Variants in C1QTNF12 observed in about 807,000 individuals in gnomAD.
The protein encoded by C1QTNF12 is C1q and TNF related 12.
In C1QTNF12, 39 loss-of-function variants were observed where a neutral mutation model predicts 34.3. The observed-to-expected ratio is 1.14, with a 90% CI of 0.88 to 1.49. The LOEUF (loss-of-function observed/expected upper bound fraction) is 1.49, where lower values mean the gene tolerates loss of function less well. C1QTNF12 is among the 40% of genes most tolerant of loss of function. C1QTNF12 has a pLI of 0.00. For synonymous variants in C1QTNF12, 220 were observed against 196.9 expected, an observed-to-expected ratio of 1.12 and a Z score of -0.98; for missense variants, 497 against 424.7, an observed-to-expected ratio of 1.17 and a Z score of -1.50.
At chr1:1,242,981 C>T in intron 6 of C1QTNF12, 68 bp from the exon 7 acceptor site, 1 of 1,567,550 alleles carries the variant, frequency 6.4e-7, no homozygotes, top group Non-Finnish European at 8.7e-7. Context: ...TGCTCCAGTG[C>T]CCAGAGACCC....
chr1:1,246,806 C>T (rs2101012172), upstream of C1QTNF12: 1 of 741,028 alleles, frequency 1.3e-6, no homozygotes, highest in Admixed American at 4.8e-5. This position sits in a 1 kb window ranked among gnomAD's most constrained non-coding sequence, Gnocchi z 4.5. Flanking sequence ...CGCCCGGCCT[C>T]CGCCGCTGCA....
At chr1:1,244,334 C>T in intron 2 of C1QTNF12, 47 bp downstream of exon 2, 1 of 1,596,084 alleles carries the variant, frequency 6.3e-7, no homozygotes, top group Non-Finnish European at 8.6e-7. Context: ...GCTACCACCA[C>T]ACCCTGTCCG....
In C1QTNF12 at chr1:1,244,498, C is replaced by T; in HGVS notation, c.178-1G>A. The T allele has an allele frequency of 6.2e-7, 1 of 1,607,648 alleles. No homozygotes were observed. The highest frequency in any genetic ancestry group is 8.5e-7 in the Non-Finnish European group (1 of 1,175,756). ...ACTCAGGTCCTGAGGCCTGGGATGG[C>T]TGAAGGGACGGGACGGGGCTAGCGC... On this transcript the variant is annotated splice_acceptor_variant, in intron 1 of 7. Transcript: ENST00000330388. LOFTEE classifies it high-confidence loss of function.
rs1638893136 is a variant in C1QTNF12 at position 1,246,450 on chromosome 1, G to A, written c.177+64C>T. 1.3e-5 allele frequency: 15 copies of A among 1,196,192 alleles called. No homozygotes were observed. In the South Asian group the frequency reaches 1.3e-4, roughly 10 times the overall value. 74.1% of individuals were successfully genotyped at this position (1,196,192 alleles called of 1,614,324 possible). On this transcript the variant is annotated intron_variant, in intron 1 of 7. Coordinates refer to ENST00000330388, the MANE Select transcript of C1QTNF12 (RefSeq NM_001014980.3). The surrounding 1 kb of genome is among the most constrained non-coding windows in gnomAD (Gnocchi z 4.5). ...GCAGGGACAGAGCCTGCTGGGGGAG[G>A]ACGCCCCAGAGCCCCAGCTCCGAAG... is the stretch of plus-strand genomic sequence containing the variant.
chr1:1,242,496 G>C lies in C1QTNF12; in HGVS notation c.*52C>G, dbSNP rs957431635. On this transcript the variant is annotated 3_prime_UTR_variant, in exon 8 of 8. Coordinates refer to ENST00000330388, the MANE Select transcript of C1QTNF12 (RefSeq NM_001014980.3). ...ATTGTGGTGACCACGGGCATCAGTA[G>C]GAGGGTCCCCGGGATCCGGCGGCAG... The C allele has an allele frequency of 1.6e-5, 23 of 1,395,902 alleles. No individual in the cohort carries two copies. The highest frequency in any genetic ancestry group is 1.3e-4 in the Admixed American group (6 of 47,890). The allele number at this position is 1,395,902 out of a possible 1,614,324, so 86.5% of individuals were successfully genotyped here.
At position 1,242,558 on chromosome 1, in the gene C1QTNF12, A is replaced by G. The variant is rs1453236411; in HGVS notation, c.899T>C (p.Leu300Pro). Reference sequence around the variant, plus strand: ...CCCCCCTGGGCGCCCTCACGTGCCCAGGAGCAGCCCGGAGAAGCTGGAGCC... The same window carrying G: ...CCCCCCTGGGCGCCCTCACGTGCCCGGGAGCAGCCCGGAGAAGCTGGAGCC... ...QAGSSFSGLLLGT is the reference protein window; with the variant it reads ...QAGSSFSGLLPGT The change falls in exon 8 of 8, where the codon CTG becomes CCG. Residue 300 changes from leucine (L) to proline (P), a missense_variant. Physicochemically the swap from Leu to Pro is moderately conservative, Grantham distance 98. Coordinates refer to ENST00000330388, the MANE Select transcript of C1QTNF12 (RefSeq NM_001014980.3). 6.4e-7 allele frequency: 1 copy of G among 1,569,378 alleles called. No individual in the cohort carries two copies. Among genetic ancestry groups the G allele is most frequent in the Admixed American group, 1.9e-5 (1 of 53,652 alleles).
chr1:1,246,700 C>G lies in C1QTNF12; in HGVS notation c.-10G>C. The G allele has an allele frequency of 4.9e-6, 6 of 1,220,814 alleles. No homozygotes were observed. Among genetic ancestry groups the G allele is most frequent in the Non-Finnish European group, 6.1e-6 (6 of 980,886 alleles). 75.6% of individuals were successfully genotyped at this position (1,220,814 alleles called of 1,614,324 possible). A position where few individuals can be genotyped will look rare whatever the true frequency, so the allele number is the denominator to read the frequency against. ...AGGCCCAGCGCCGCATGGCTCCGTC[C>G]CGAGGCGGCTCAGCGCGGCGAGTCT... On this transcript the variant is annotated 5_prime_UTR_variant, in exon 1 of 8. Transcript: ENST00000330388. The surrounding 1 kb of genome is among the most constrained non-coding windows in gnomAD (Gnocchi z 4.5).
In C1QTNF12 at chr1:1,244,380, C is replaced by A. The variant is rs752038492; in HGVS notation, c.294+1G>T. The A allele has an allele frequency of 1.9e-6, 3 of 1,610,880 alleles. No individual in the cohort carries two copies. The highest frequency in any genetic ancestry group is 2.5e-6 in the Non-Finnish European group (3 of 1,178,736). On this transcript the variant is annotated splice_donor_variant, in intron 2 of 7. Coordinates refer to ENST00000330388, the MANE Select transcript of C1QTNF12 (RefSeq NM_001014980.3). LOFTEE classifies it high-confidence loss of function. The stretch of plus-strand genomic sequence containing the variant: ...CCTGCAGCAGCCCGGGCGGGGCTCA[C>A]CGGCTTCTTGTCCCTGCTTCCGCAC...
At chr1:1,245,368 G>A (rs554339277) in intron 1 of C1QTNF12, among the ~76,000 whole-genome samples, 2 of 141,930 alleles carry the variant, frequency 1.4e-5, no homozygotes, top group Non-Finnish European at 3.1e-5. Context: ...CGCCCTGGAG[G>A]GGCCTGTACC....
chr1:1,245,931 A>G (rs1367060657), intron 1 of C1QTNF12, among the ~76,000 whole-genome samples: 5 of 152,318 alleles, frequency 3.3e-5, no homozygotes, highest in African/African-American at 9.6e-5. Context: ...AGAGACCCTG[A>G]GCAGGAGAGA....
In C1QTNF12 at chr1:1,244,068, C is replaced by T. The variant is rs560946759; in HGVS notation, c.417G>A (p.Pro139=). 1.8e-5 allele frequency: 28 copies of T among 1,596,064 alleles called. No individual in the cohort carries two copies. The highest frequency in any genetic ancestry group is 1.7e-4 in the African/African-American group (13 of 74,378). The change falls in exon 4 of 8, where the codon CCG becomes CCA. Residue 139 remains proline (P), a synonymous_variant. Transcript: ENST00000330388. Reference sequence around the variant, plus strand: ...GCAGGCCCGCCCCCTGGGGCAGCAGCGGGTCCAGAAGCCCTGAGAACCGGC... The same window carrying T: ...GCAGGCCCGCCCCCTGGGGCAGCAGTGGGTCCAGAAGCCCTGAGAACCGGC... ...TERRFSGLLD[P]LLPQGAGLRL... is the part of the protein sequence containing the mutation.
At position 1,246,583 on chromosome 1, in the gene C1QTNF12, G is replaced by C; in HGVS notation, c.108C>G (p.Gly36=). 1 of 1,248,020 alleles carries C rather than the reference G, an allele frequency of 8.0e-7. No homozygotes were observed. The highest frequency in any genetic ancestry group is 1.5e-5 in the African/African-American group (1 of 64,622). 77.3% of individuals were successfully genotyped at this position (1,248,020 alleles called of 1,614,324 possible). A position where few individuals can be genotyped will look rare whatever the true frequency, so the allele number is the denominator to read the frequency against. ...RREAQRTQQP[G]QRADPPNATA... is the part of the protein sequence containing the mutation. Reference sequence around the variant, plus strand: ...TGGCGTTGGGGGGATCTGCGCGCTGGCCAGGCTGCTGCGTCCTCTGTGCCT... The same window carrying C: ...TGGCGTTGGGGGGATCTGCGCGCTGCCCAGGCTGCTGCGTCCTCTGTGCCT... Residue 36 remains glycine (G), a synonymous_variant, in exon 1 of 8, where the codon GGC becomes GGG. Transcript: ENST00000330388. This position sits in a 1 kb window ranked among gnomAD's most constrained non-coding sequence, Gnocchi z 4.5.
At chr1:1,246,970 C>T (rs7541926), upstream of C1QTNF12, among the ~76,000 whole-genome samples, 3,808 of 152,016 alleles carry the variant, frequency 0.025, 163 homozygotes, top group African/African-American at 0.087. This position sits in a 1 kb window ranked among gnomAD's most constrained non-coding sequence, Gnocchi z 4.5. Flanking sequence ...CCAGACCTCG[C>T]AGGCTCCAGG....
At chr1:1,246,909 C>G (rs1638908153), upstream of C1QTNF12, among the ~76,000 whole-genome samples, 2 of 152,056 alleles carry the variant, frequency 1.3e-5, no homozygotes, top group African/African-American at 4.8e-5. The surrounding 1 kb of genome is among the most constrained non-coding windows in gnomAD (Gnocchi z 4.5). Flanking sequence ...CCCGTCCTCT[C>G]TGGCCTCCTC....
Position 1,242,473 on chromosome 1 carries a change from TGTG to T in C1QTNF12, c.*72_*74del, listed in dbSNP as rs1291167113. On this transcript the variant is annotated 3_prime_UTR_variant, in exon 8 of 8. Coordinates refer to ENST00000330388, the MANE Select transcript of C1QTNF12 (RefSeq NM_001014980.3). ...GTGGGGAGGGTGGAGGGCTCTTTAT[TGTG>T]GTGACCACGGGCATCAGTAGGAGGG... 1.7e-5 allele frequency: 20 copies of T among 1,148,302 alleles called. No homozygotes were observed. Among genetic ancestry groups the T allele is most frequent in the Non-Finnish European group, 2.2e-5 (18 of 804,192 alleles). The allele number at this position is 1,148,302 out of a possible 1,614,324, so 71.1% of individuals were successfully genotyped here.
rs764891449 is a variant in C1QTNF12 at position 1,246,452 on chromosome 1, C to T, written c.177+62G>A. The T allele has an allele frequency of 9.5e-4, 1,134 of 1,199,376 alleles. 2 individuals carry two copies. The highest frequency in any genetic ancestry group is 1.1e-3 in the Non-Finnish European group (1,094 of 958,984). 74.3% of individuals were successfully genotyped at this position (1,199,376 alleles called of 1,614,324 possible). ...AGGGACAGAGCCTGCTGGGGGAGGA[C>T]GCCCCAGAGCCCCAGCTCCGAAGCT... On this transcript the variant is annotated intron_variant, in intron 1 of 7. Coordinates refer to ENST00000330388, the MANE Select transcript of C1QTNF12 (RefSeq NM_001014980.3). This position sits in a 1 kb window ranked among gnomAD's most constrained non-coding sequence, Gnocchi z 4.5.
rs780226199 is a variant in C1QTNF12 at position 1,244,009 on chromosome 1, TGCAGCCG to T, written c.469_475del (p.Leu158ValfsTer31). 8.7e-6 allele frequency: 14 copies of T among 1,602,002 alleles called. No individual in the cohort carries two copies. In the African/African-American group the frequency reaches 1.1e-4, roughly 12 times the overall value. On this transcript the variant is annotated frameshift_variant, in exon 4 of 8. Transcript: ENST00000330388. LOFTEE classifies it high-confidence loss of function. Reference sequence around the variant, plus strand: ...CCGCTTGTCCACCCGGCGGGGACCCTGCAGCCGGCAGTGAAAGGCCTCGCCCACCAGC... The same window carrying T: ...CCGCTTGTCCACCCGGCGGGGACCCTGCAGTGAAAGGCCTCGCCCACCAGC...
intron 4 of C1QTNF12, among the ~76,000 whole-genome samples, 186 bp downstream of exon 4, chr1:1,243,768 G>C (rs1481364712): frequency 6.6e-6 from 1 of 152,120 alleles, no homozygotes; most frequent in Admixed American, 6.5e-5. Context: ...CTCCGTCTGG[G>C]CATAAAGTGT....
chr1:1,242,905 T>G lies in C1QTNF12; in HGVS notation c.740A>C (p.Glu247Ala). 6.2e-7 allele frequency: 1 copy of G among 1,612,256 alleles called. No individual in the cohort carries two copies. Among genetic ancestry groups the G allele is most frequent in the Non-Finnish European group, 8.5e-7 (1 of 1,179,722 alleles). ...ESLCQRHTCL[E>A]AVSGLESNSR... The stretch of plus-strand genomic sequence containing the variant: ...GTTGCTCTCCAGGCCTGAGACGGCC[T>G]CCAGGCACCTGAACACAGCCCCACA... The change falls in exon 7 of 8, where the codon GAG becomes GCG. Residue 247 changes from glutamate to alanine, a missense_variant. By Grantham distance (107) the Glu-to-Ala change is moderately radical (BLOSUM62 -1). Coordinates refer to ENST00000330388, the MANE Select transcript of C1QTNF12 (RefSeq NM_001014980.3).
Sources: gnomAD v4.1 joint callset for allele counts (sites outside exome capture counted in the v4.1 genomes callset) on GRCh38, gnomAD v4.1.1 for gene constraint, Gnocchi (gnomAD v3.1) non-coding constraint, MANE v1.5 for transcripts, NCBI Gene and HGNC (gene_info 2026-07-23, HGNC 2026-07-21) for gene names.